Variants in UBTD1 observed in about 807,000 individuals in gnomAD.
The protein encoded by UBTD1 is ubiquitin domain containing 1.
In UBTD1, 19 loss-of-function variants were observed where a neutral mutation model predicts 21.7. The observed-to-expected ratio is 0.87, with a 90% CI of 0.61 to 1.28. The LOEUF (loss-of-function observed/expected upper bound fraction) is 1.28. Among genes scored for constraint, UBTD1 ranks in the 50% most tolerant of loss-of-function variants. The probability of loss-of-function intolerance (pLI) is 0.00; values close to 1 mark genes in which losing one functional copy is unlikely to be tolerated. For missense variants in UBTD1, 282 were observed against 315.1 expected (o/e 0.89, Z 0.80); for synonymous variants, 116 against 135.1 (o/e 0.86, Z 0.98).
intron 1 of UBTD1, among the ~76,000 whole-genome samples, chr10:97,536,085 C>T (rs1420887875): frequency 2.6e-5 from 4 of 151,606 alleles, no homozygotes; most frequent in African/African-American, 9.7e-5. Flanking sequence ...CTCCGCCTCC[C>T]GGATTCAAGC....
At chr10:97,520,443 A>G (rs969608993) in intron 1 of UBTD1, among the ~76,000 whole-genome samples, 2 of 152,212 alleles carry the variant, frequency 1.3e-5, no homozygotes, top group Non-Finnish European at 2.9e-5. Flanking sequence ...CAAAATAGAT[A>G]CGGTCCTTCC....
intron 1 of UBTD1, among the ~76,000 whole-genome samples, chr10:97,525,643 T>G (rs1418084152): frequency 6.6e-6 from 1 of 152,158 alleles, no homozygotes; most frequent in African/African-American, 2.4e-5. Context: ...ATCTCCATAT[T>G]AGAGGCCTTC....
intron 1 of UBTD1, among the ~76,000 whole-genome samples, chr10:97,543,513 C>G (rs1044195663): frequency 6.6e-6 from 1 of 152,200 alleles, no homozygotes; most frequent in Non-Finnish European, 1.5e-5. Context: ...CTTCACACTT[C>G]GTACAGAAAT....
chr10:97,554,946 T>C (rs2040657280), intron 1 of UBTD1, among the ~76,000 whole-genome samples: 1 of 152,206 alleles, frequency 6.6e-6, no homozygotes, highest in Admixed American at 6.5e-5. Flanking sequence ...GGTCGTGCCC[T>C]TTCTCAACCC....
At chr10:97,554,395 C>G (rs761043637) in intron 1 of UBTD1, among the ~76,000 whole-genome samples, 8 of 151,476 alleles carry the variant, frequency 5.3e-5, no homozygotes, top group Admixed American at 3.9e-4. Flanking sequence ...TACAGGTGCC[C>G]ACCACCACTC....
intron 1 of UBTD1, among the ~76,000 whole-genome samples, chr10:97,554,546 C>T (rs537491811): frequency 6.6e-6 from 1 of 151,632 alleles, no homozygotes; most frequent in African/African-American, 2.4e-5. Context: ...TGTGCCTGAC[C>T]ATTTATTTAT....
chr10:97,567,777 G>A (rs2135690161), intron 1 of UBTD1, 137 bp from the exon 2 acceptor site: 1 of 769,842 alleles, frequency 1.3e-6, no homozygotes, highest in Non-Finnish European at 2.1e-6. Context: ...TTTAGGAAGG[G>A]CTTCAAAGAC....
In UBTD1 at chr10:97,544,012, T is replaced by G. The variant is rs534559451; in HGVS notation, c.71-23902T>G. On this transcript the variant is annotated intron_variant, in intron 1 of 2. Transcript: ENST00000370664. The stretch of plus-strand genomic sequence containing the variant: ...GAATCTGGAGAAAGGCCAGGCACAA[T>G]GGCTCATGTCTGTAATCCGAGCACT... 2.0e-5 allele frequency among the ~76,000 whole-genome samples: 3 copies of G among 152,236 alleles called. No homozygotes were observed. The East Asian group carries it at 5.8e-4, about 29-fold the overall frequency.
At chr10:97,568,226 G>A in intron 2 of UBTD1, 85 bp downstream of exon 2, 3 of 1,413,552 alleles carry the variant, frequency 2.1e-6, no homozygotes, top group Non-Finnish European at 3.0e-6. Context: ...GTGTGGAGCG[G>A]TGGGGCAGGT....
intron 1 of UBTD1, among the ~76,000 whole-genome samples, chr10:97,539,206 G>A (rs1480941078): frequency 6.6e-6 from 1 of 152,164 alleles, no homozygotes; most frequent in Admixed American, 6.5e-5. Flanking sequence ...GAGGTGTCAG[G>A]AGGGATGGGC....
intron 1 of UBTD1, among the ~76,000 whole-genome samples, chr10:97,506,532 A>G (rs978394592): frequency 1.3e-5 from 2 of 151,918 alleles, no homozygotes; most frequent in Non-Finnish European, 2.9e-5. Flanking sequence ...TGTAACAGCA[A>G]ATTTTTCAGT....
At chr10:97,533,922 CAAAAAAAA>C (rs1162758439) in intron 1 of UBTD1, among the ~76,000 whole-genome samples, 1 of 109,988 alleles carries the variant, frequency 9.1e-6, no homozygotes, top group African/African-American at 3.5e-5. Flanking sequence ...GACTCCATCT[CAAAAAAAA>C]AAAAAAAAAA....
At chr10:97,536,133 C>T (rs1296221455) in intron 1 of UBTD1, among the ~76,000 whole-genome samples, 2 of 151,904 alleles carry the variant, frequency 1.3e-5, no homozygotes, top group Admixed American at 6.6e-5. Context: ...GCTGGGATTA[C>T]AGGCTCCCGC....
intron 1 of UBTD1, among the ~76,000 whole-genome samples, chr10:97,533,469 A>G (rs1182674878): frequency 6.6e-6 from 1 of 152,128 alleles, no homozygotes; most frequent in Non-Finnish European, 1.5e-5. Flanking sequence ...TCTACGCCAT[A>G]GCGGGTGGGA....
chr10:97,512,743 A>G (rs1213741217), intron 1 of UBTD1, among the ~76,000 whole-genome samples: 1 of 152,184 alleles, frequency 6.6e-6, no homozygotes, highest in Admixed American at 6.5e-5. Flanking sequence ...ACTGAGCACC[A>G]AGCAGTTTTT....
chr10:97,516,754 G>GA (rs1294245088), intron 1 of UBTD1, among the ~76,000 whole-genome samples: 3 of 151,934 alleles, frequency 2.0e-5, no homozygotes, highest in Non-Finnish European at 4.4e-5. Context: ...CTGGGCAACA[G>GA]AGTGAGACTC....
intron 1 of UBTD1, among the ~76,000 whole-genome samples, chr10:97,518,690 G>A (rs745410461): frequency 4.6e-5 from 7 of 152,186 alleles, no homozygotes; most frequent in Non-Finnish European, 1.0e-4. Context: ...AGCTGTTCTT[G>A]TCGTTGACTG....
chr10:97,537,395 C>T (rs1026393053), intron 1 of UBTD1, among the ~76,000 whole-genome samples: 2 of 152,162 alleles, frequency 1.3e-5, no homozygotes, highest in African/African-American at 4.8e-5. Context: ...GGTAGGATAG[C>T]TAGAGAGCAG....
chr10:97,542,027 C>G (rs543464561), intron 1 of UBTD1, among the ~76,000 whole-genome samples: 12 of 152,184 alleles, frequency 7.9e-5, no homozygotes, highest in Non-Finnish European at 1.2e-4. Context: ...TGATCCACCA[C>G]GCCCGGCCTC....
Sources: gnomAD v4.1 joint callset for allele counts (sites outside exome capture counted in the v4.1 genomes callset) on GRCh38, gnomAD v4.1.1 for gene constraint, MANE v1.5 for transcripts, NCBI Gene and HGNC (gene_info 2026-07-23, HGNC 2026-07-21) for gene names.